Variants in GSDME observed in about 807,000 individuals in gnomAD.
GSDME encodes the protein gasdermin-E.
In GSDME, 44 loss-of-function variants were observed where a neutral mutation model predicts 47.5. The ratio of observed to expected loss-of-function variants is 0.93; its 90% CI spans 0.73 to 1.19. The LOEUF (loss-of-function observed/expected upper bound fraction) is 1.19. GSDME is among the 50% of genes most tolerant of loss of function. GSDME has a pLI of 0.00. For synonymous variants in GSDME, 258 were observed against 252.8 expected (o/e 1.02, Z -0.20); for missense variants, 663 against 604.2 (o/e 1.10, Z -1.02).
At chr7:24,774,221 TCAC>T in the GSDME span, among the ~76,000 whole-genome samples, 1 of 148,528 alleles carries the variant, frequency 6.7e-6, no homozygotes. Context: ...AGTATCATAT[TCAC>T]TTTATTGGTC....
chr7:24,789,908 G>T, the GSDME span, among the ~76,000 whole-genome samples: 1 of 152,162 alleles, frequency 6.6e-6, no homozygotes, highest in Non-Finnish European at 1.5e-5. Context: ...TCATTTGAAG[G>T]AGTACAGGTA....
chr7:24,744,461 C>A lies in GSDME; in HGVS notation c.404+101G>T, dbSNP rs930806007. The stretch of plus-strand genomic sequence containing the variant: ...GCGCATTCAATACATGTTTATTGAT[C>A]GGCAGAGATCAAATCTGTCGCCCTT... On this transcript the variant is annotated intron_variant, in intron 3 of 9. Coordinates refer to ENST00000645220, the MANE Select transcript of GSDME (RefSeq NM_001127453.2). This position sits in a 1 kb window ranked among gnomAD's most constrained non-coding sequence, Gnocchi z 4.5. 3.2e-6 allele frequency: 4 copies of A among 1,249,536 alleles called. No individual in the cohort carries two copies. The highest frequency in any genetic ancestry group is 1.2e-5 in the South Asian group (1 of 83,236). The allele number at this position is 1,249,536 out of a possible 1,614,324, so 77.4% of individuals were successfully genotyped here. A position where few individuals can be genotyped will look rare whatever the true frequency, so the allele number is the denominator to read the frequency against.
At chr7:24,770,880 A>G in the GSDME span, among the ~76,000 whole-genome samples, 1 of 152,046 alleles carries the variant, frequency 6.6e-6, no homozygotes, top group Non-Finnish European at 1.5e-5. This position sits in a 1 kb window ranked among gnomAD's most constrained non-coding sequence, Gnocchi z 4.6. Context: ...AGGCTGAAAA[A>G]AAAAAAAGAA....
chr7:24,767,949 T>C, the GSDME span, among the ~76,000 whole-genome samples: 1 of 152,214 alleles, frequency 6.6e-6, no homozygotes, highest in Non-Finnish European at 1.5e-5. This position sits in a 1 kb window ranked among gnomAD's most constrained non-coding sequence, Gnocchi z 5.3. Flanking sequence ...TTGCTACCGA[T>C]CATATAGACT....
the GSDME span, among the ~76,000 whole-genome samples, chr7:24,794,361 G>A: frequency 3.3e-4 from 50 of 150,230 alleles, no homozygotes; most frequent in African/African-American, 1.2e-3. Flanking sequence ...CGCTTATGCT[G>A]CTGTTCTCCT....
chr7:24,743,359 T>C (rs1790548345), intron 3 of GSDME, among the ~76,000 whole-genome samples: 1 of 152,216 alleles, frequency 6.6e-6, no homozygotes, highest in Non-Finnish European at 1.5e-5. Context: ...TGGATTTGAA[T>C]TTTTGCTTTA....
intron 1 of GSDME, among the ~76,000 whole-genome samples, chr7:24,755,484 A>G (rs930111161): frequency 6.6e-6 from 1 of 152,092 alleles, no homozygotes; most frequent in African/African-American, 2.4e-5. Flanking sequence ...TCCCCAAATC[A>G]CCTACTACAT....
Position 24,723,193 on chromosome 7 carries a change from G to A in GSDME, c.405-3975C>T, listed in dbSNP as rs532542838. ...ATCTTCAGTTAGGAGAGGCCCCACA[G>A]GGACAGCGGGGAAGCTACACATCAG... On this transcript the variant is annotated intron_variant, in intron 3 of 9. Coordinates refer to ENST00000645220, the MANE Select transcript of GSDME (RefSeq NM_001127453.2). 1.2e-4 allele frequency among the ~76,000 whole-genome samples: 19 copies of A among 152,348 alleles called. No individual in the cohort carries two copies. The South Asian group carries it at 1.4e-3, about 12-fold the overall frequency.
chr7:24,709,757 G>A (rs1262128784), intron 6 of GSDME, among the ~76,000 whole-genome samples: 1 of 152,210 alleles, frequency 6.6e-6, no homozygotes, highest in Non-Finnish European at 1.5e-5. Context: ...GCACCATGCA[G>A]TCCATGCCAT....
chr7:24,700,220 T>G (rs1378689166), intron 9 of GSDME, among the ~76,000 whole-genome samples: 3 of 152,224 alleles, frequency 2.0e-5, no homozygotes, highest in African/African-American at 7.2e-5. Flanking sequence ...AGGGACCTTG[T>G]CTGCCGTGCC....
intron 1 of GSDME, among the ~76,000 whole-genome samples, chr7:24,755,657 T>A (rs1790991672): frequency 1.3e-5 from 2 of 152,258 alleles, no homozygotes; most frequent in Non-Finnish European, 2.9e-5. Flanking sequence ...GAATCAGTGC[T>A]GAGCCAAGAT....
chr7:24,778,779 G>C, the GSDME span, among the ~76,000 whole-genome samples: 1 of 152,198 alleles, frequency 6.6e-6, no homozygotes, highest in African/African-American at 2.4e-5. This position sits in a 1 kb window ranked among gnomAD's most constrained non-coding sequence, Gnocchi z 5.6. Flanking sequence ...TGACTTTCTA[G>C]TCAGAATCCA....
Position 24,708,251 on chromosome 7 carries a change from G to A in GSDME, c.866C>T (p.Thr289Ile), listed in dbSNP as rs765301399. The A allele has an allele frequency of 3.1e-6, 5 of 1,614,050 alleles. No individual in the cohort carries two copies. The highest frequency in any genetic ancestry group is 2.2e-5 in the East Asian group (1 of 44,880). ...DGPLSVLKQA[T>I]LLLERNFHPF... ...ATGGAAATTCCTCTCCAGGAGCAGG[G>A]TCGCTGTGAAAACAAAGCACACCCA... The change falls in exon 7 of 10, where the codon ACC (threonine) becomes ATC (isoleucine). Residue 289 changes from threonine to isoleucine, a missense_variant. Thr to Ile is a moderately conservative substitution (Grantham distance 89). Coordinates refer to ENST00000645220, the MANE Select transcript of GSDME (RefSeq NM_001127453.2).
At position 24,710,401 on chromosome 7, in the gene GSDME, A is replaced by G; in HGVS notation, c.698-13T>C. 1 of 1,614,142 alleles carries G rather than the reference A, an allele frequency of 6.2e-7. No individual in the cohort carries two copies. The highest frequency in any genetic ancestry group is 8.5e-7 in the Non-Finnish European group (1 of 1,179,978). ...AGAAGGCAGAACTCTGTAGTGCAGGAGAAAAGGACAAGTTAGGTAAAGTTG... is the reference window on the plus strand; with the variant it reads ...AGAAGGCAGAACTCTGTAGTGCAGGGGAAAAGGACAAGTTAGGTAAAGTTG... On this transcript the variant is annotated splice_polypyrimidine_tract_variant and intron_variant, in intron 5 of 9. Coordinates refer to ENST00000645220, the MANE Select transcript of GSDME (RefSeq NM_001127453.2).
chr7:24,768,827 A>T, the GSDME span, among the ~76,000 whole-genome samples: 1 of 152,246 alleles, frequency 6.6e-6, no homozygotes, highest in African/African-American at 2.4e-5. This position sits in a 1 kb window ranked among gnomAD's most constrained non-coding sequence, Gnocchi z 5.6. Flanking sequence ...ACATTGTATT[A>T]TATTGTGTTA....
chr7:24,753,450 T>C (rs189680352), intron 1 of GSDME, among the ~76,000 whole-genome samples: 10 of 152,358 alleles, frequency 6.6e-5, no homozygotes, highest in African/African-American at 2.2e-4. Flanking sequence ...ATTTGTGTTA[T>C]ATTAAAGCTG....
intron 5 of GSDME, among the ~76,000 whole-genome samples, chr7:24,713,241 T>A (rs1362565511): frequency 2.0e-5 from 3 of 152,138 alleles, no homozygotes; most frequent in Non-Finnish European, 4.4e-5. Flanking sequence ...CCTCTCTGTG[T>A]CCTGTGTCGG....
At chr7:24,794,354 T>A in the GSDME span, among the ~76,000 whole-genome samples, 1 of 151,794 alleles carries the variant, frequency 6.6e-6, no homozygotes, top group Non-Finnish European at 1.5e-5. Context: ...TGCCAGCCGC[T>A]TATGCTGCTG....
chr7:24,780,005 G>T, the GSDME span, among the ~76,000 whole-genome samples: 44 of 152,396 alleles, frequency 2.9e-4, no homozygotes, highest in African/African-American at 9.9e-4. The surrounding 1 kb of genome is among the most constrained non-coding windows in gnomAD (Gnocchi z 4.1). Flanking sequence ...CAGGGTCTTG[G>T]GGCTGGGAAG....
Sources: allele counts gnomAD v4.1 joint callset (sites outside exome capture counted in the v4.1 genomes callset), GRCh38; gene constraint gnomAD v4.1.1; non-coding constraint Gnocchi (gnomAD v3.1); transcripts MANE v1.5; gene names NCBI Gene and HGNC (gene_info 2026-07-23, HGNC 2026-07-21).